The following KCNQ3 variants were observed in gnomAD, a reference collection of about 807,000 sequenced individuals.
The protein encoded by KCNQ3 is potassium voltage-gated channel subfamily Q member 3.
A neutral mutation model predicts 92.5 loss-of-function variants in KCNQ3; 30 were observed. The ratio of observed to expected loss-of-function variants is 0.32; its 90% CI spans 0.24 to 0.44. The LOEUF is 0.44. Ranked by LOEUF, KCNQ3 falls within the 20% of genes least tolerant of loss-of-function variation. KCNQ3 has a pLI of 1.00. For synonymous variants in KCNQ3, 450 were observed against 468.8 expected, an observed-to-expected ratio of 0.96 and a Z score of 0.52; for missense variants, 913 against 1,140.3, an observed-to-expected ratio of 0.80 and a Z score of 2.87.
chr8:132,290,934 C>A (rs1370494202), intron 1 of KCNQ3, among the ~76,000 whole-genome samples: 5 of 151,940 alleles, frequency 3.3e-5, no homozygotes, highest in Admixed American at 3.3e-4. Flanking sequence ...TGATAAGGGA[C>A]CAACAGTTAG....
intron 1 of KCNQ3, among the ~76,000 whole-genome samples, chr8:132,374,994 G>A (rs1380079937): frequency 3.3e-5 from 5 of 152,186 alleles, no homozygotes; most frequent in Admixed American, 3.3e-4. Flanking sequence ...ACATTCATGT[G>A]TACATGTCTT....
intron 1 of KCNQ3, among the ~76,000 whole-genome samples, chr8:132,408,932 A>T (rs894666296): frequency 9.2e-5 from 14 of 152,186 alleles, no homozygotes; most frequent in Non-Finnish European, 1.6e-4. Flanking sequence ...GCCCTGCCTG[A>T]CACCTTGACT....
intron 1 of KCNQ3, among the ~76,000 whole-genome samples, chr8:132,331,757 C>G (rs774275441): frequency 2.6e-4 from 40 of 152,176 alleles, no homozygotes; most frequent in Non-Finnish European, 5.4e-4. Flanking sequence ...AAATATTATA[C>G]CCATTGCTGC....
At chr8:132,339,898 C>T (rs1818471229) in intron 1 of KCNQ3, among the ~76,000 whole-genome samples, 1 of 151,448 alleles carries the variant, frequency 6.6e-6, no homozygotes, top group East Asian at 1.9e-4. Flanking sequence ...TGAGGACATC[C>T]AGCAACACAA....
chr8:132,341,383 A>G (rs762560213), intron 1 of KCNQ3, among the ~76,000 whole-genome samples: 22 of 152,212 alleles, frequency 1.4e-4, no homozygotes, highest in South Asian at 1.2e-3. Context: ...TTCCAGTCAA[A>G]TGTCCCCTCT....
chr8:132,339,065 C>CATGGGA (rs1818445750), intron 1 of KCNQ3, among the ~76,000 whole-genome samples: 1 of 152,152 alleles, frequency 6.6e-6, no homozygotes, highest in Non-Finnish European at 1.5e-5. Flanking sequence ...GATAAGATGG[C>CATGGGA]ATGGGAATTG....
At chr8:132,244,215 G>A (rs1054970529) in intron 1 of KCNQ3, among the ~76,000 whole-genome samples, 5 of 152,010 alleles carry the variant, frequency 3.3e-5, no homozygotes, top group Admixed American at 2.0e-4. Context: ...TCATGAACTT[G>A]AATTATAGTT....
chr8:132,128,155 T>C lies in KCNQ3; in HGVS notation c.*1107A>G, dbSNP rs183589808. 6.6e-6 allele frequency: 1 copy of C among 152,290 alleles called. No homozygotes were observed. The highest frequency in any genetic ancestry group is 1.5e-5 in the Non-Finnish European group (1 of 68,028). 9.4% of individuals were successfully genotyped at this position (152,290 alleles called of 1,614,324 possible). A position where few individuals can be genotyped will look rare whatever the true frequency, so the allele number is the denominator to read the frequency against. ...CAATCTCTAGGATGCATTATATAAA[T>C]GGAAGAATGGTGTGGTGAGGGGAAA... On this transcript the variant is annotated 3_prime_UTR_variant, in exon 15 of 15. Transcript: ENST00000388996.
chr8:132,235,662 C>A (rs545755734), intron 1 of KCNQ3, among the ~76,000 whole-genome samples: 1 of 152,330 alleles, frequency 6.6e-6, no homozygotes, highest in East Asian at 1.9e-4. Flanking sequence ...CTCTCCTTCA[C>A]TCAGTCGGTG....
At chr8:132,161,839 A>T (rs1341942556) in intron 9 of KCNQ3, among the ~76,000 whole-genome samples, 2 of 152,110 alleles carry the variant, frequency 1.3e-5, no homozygotes, top group African/African-American at 4.8e-5. Flanking sequence ...AAAGGAATTG[A>T]TTCCTCTGTT....
At chr8:132,234,165 C>T (rs1814729994) in intron 1 of KCNQ3, among the ~76,000 whole-genome samples, 1 of 152,138 alleles carries the variant, frequency 6.6e-6, no homozygotes. Context: ...TGACTCTGCT[C>T]TGTATTTACA....
intron 1 of KCNQ3, among the ~76,000 whole-genome samples, chr8:132,229,753 T>C (rs527916625): frequency 1.4e-4 from 22 of 152,002 alleles, no homozygotes; most frequent in Non-Finnish European, 2.6e-4. Context: ...CCAAGAGGCA[T>C]GTTCTTGTCA....
intron 1 of KCNQ3, among the ~76,000 whole-genome samples, chr8:132,415,861 G>A (rs569992053): frequency 7.9e-5 from 12 of 152,184 alleles, no homozygotes; most frequent in Admixed American, 6.5e-4. Context: ...AGGAAGAAAA[G>A]ATCTAAAAAC....
chr8:132,213,297 C>A (rs1192740109), intron 1 of KCNQ3, among the ~76,000 whole-genome samples: 2 of 152,166 alleles, frequency 1.3e-5, no homozygotes, highest in Non-Finnish European at 2.9e-5. Flanking sequence ...CCAGTGGCAC[C>A]AGGGGCTCCA....
Position 132,128,826 on chromosome 8 carries a change from G to T in KCNQ3, c.*436C>A. 5.6e-6 allele frequency: 1 copy of T among 178,808 alleles called. No individual in the cohort carries two copies. The highest frequency in any genetic ancestry group is 1.2e-5 in the Non-Finnish European group (1 of 82,866). The allele number at this position is 178,808 out of a possible 1,614,324, so 11.1% of individuals were successfully genotyped here. A position where few individuals can be genotyped will look rare whatever the true frequency, so the allele number is the denominator to read the frequency against. On this transcript the variant is annotated 3_prime_UTR_variant, in exon 15 of 15. Coordinates refer to ENST00000388996, the MANE Select transcript of KCNQ3 (RefSeq NM_004519.4). ...AATTATTTCCTTGCTTTCAAAAACA[G>T]TTAATTGCTGGAGCGTTTTACACAA...
At position 132,234,475 on chromosome 8, in the gene KCNQ3, G is replaced by A. The variant is rs561282815; in HGVS notation, c.387-48294C>T. On this transcript the variant is annotated intron_variant, in intron 1 of 14. Coordinates refer to ENST00000388996, the MANE Select transcript of KCNQ3 (RefSeq NM_004519.4). ...TTCTGGAAAGCCAGTCCTATGATGG[G>A]GCTACCTTCTGCGGGTGGGTGGAGG... Among the ~76,000 whole-genome samples the A allele has an allele frequency of 1.2e-4, 18 of 151,560 alleles. No individual in the cohort carries two copies. In the East Asian group the frequency reaches 3.3e-3, roughly 28 times the overall value.
intron 1 of KCNQ3, among the ~76,000 whole-genome samples, chr8:132,322,698 T>A (rs17599131): frequency 0.18 from 27,990 of 152,114 alleles, 2,915 homozygotes; most frequent in Non-Finnish European, 0.25. Context: ...GCCTCTATAC[T>A]CACTTGCTCA....
intron 1 of KCNQ3, among the ~76,000 whole-genome samples, chr8:132,410,671 G>A (rs1018546427): frequency 2.2e-4 from 33 of 152,156 alleles, no homozygotes; most frequent in African/African-American, 6.8e-4. Context: ...GGCATCTAAC[G>A]TTACCTTTCA....
rs1052328621 is a variant in KCNQ3 at position 132,429,334 on chromosome 8, T to C, written c.386+50813A>G. Among the ~76,000 whole-genome samples, 4 of 152,262 alleles carry C rather than the reference T, an allele frequency of 2.6e-5. No individual in the cohort carries two copies. In the East Asian group the frequency reaches 7.7e-4, roughly 29 times the overall value. On this transcript the variant is annotated intron_variant, in intron 1 of 14. Coordinates refer to ENST00000388996, the MANE Select transcript of KCNQ3 (RefSeq NM_004519.4). The stretch of plus-strand genomic sequence containing the variant: ...AATGAATCTCTGGGCGAGGCAGAAC[T>C]GGAGGCATCAGTAGCTCTATATGAC...
Sources: allele counts gnomAD v4.1 joint callset (sites outside exome capture counted in the v4.1 genomes callset), GRCh38; gene constraint gnomAD v4.1.1; transcripts MANE v1.5; gene names NCBI Gene and HGNC (gene_info 2026-07-23, HGNC 2026-07-21).